The following CDH12 variants were observed in gnomAD, a reference collection of about 807,000 sequenced individuals.
CDH12 encodes the protein cadherin 12, also known as cadherin-12.
CDH12 carries 41 observed loss-of-function variants against 74.1 expected under a neutral mutation model. That is an observed-to-expected ratio of 0.55 (90% CI 0.43 to 0.72). CDH12 has a LOEUF of 0.72. Among genes scored for constraint, CDH12 ranks in the 30% least tolerant of loss-of-function variants. CDH12 has a pLI of 0.00. For missense variants in CDH12, 945 were observed against 977.2 expected, an observed-to-expected ratio of 0.97 and a Z score of 0.44; for synonymous variants, 399 against 355.0, an observed-to-expected ratio of 1.12 and a Z score of -1.39.
intron 6 of CDH12, among the ~76,000 whole-genome samples, chr5:21,939,954 C>T (rs1447913600): frequency 2.0e-5 from 3 of 152,284 alleles, no homozygotes; most frequent in African/African-American, 7.2e-5. Context: ...GGCACAGTGG[C>T]TCACACCTGT....
intron 7 of CDH12, among the ~76,000 whole-genome samples, chr5:21,845,739 T>C (rs768899863): frequency 6.6e-6 from 1 of 152,234 alleles, no homozygotes; most frequent in Admixed American, 6.5e-5. Flanking sequence ...GAAGTTCTTT[T>C]ATTTTCTTTT....
chr5:22,432,963 T>G (rs1744235074), intron 2 of CDH12, among the ~76,000 whole-genome samples: 1 of 152,070 alleles, frequency 6.6e-6, no homozygotes, highest in South Asian at 2.1e-4. Flanking sequence ...TATGCAAAAC[T>G]TGGGGCACAA....
chr5:22,773,824 T>C (rs1746942007), intron 1 of CDH12, among the ~76,000 whole-genome samples: 1 of 151,806 alleles, frequency 6.6e-6, no homozygotes, highest in South Asian at 2.1e-4. Context: ...CTATTAAAAA[T>C]GAGAAAAAGA....
At chr5:22,630,281 C>T (rs986609537) in intron 1 of CDH12, among the ~76,000 whole-genome samples, 16 of 151,896 alleles carry the variant, frequency 1.1e-4, no homozygotes, top group Admixed American at 1.3e-4. Context: ...TCATATGGAA[C>T]CAAAAAAGGG....
intron 5 of CDH12, among the ~76,000 whole-genome samples, chr5:21,984,545 G>A (rs971142269): frequency 6.6e-6 from 1 of 152,134 alleles, no homozygotes. Context: ...TGTTTAAACA[G>A]TCACCAATCT....
intron 1 of CDH12, among the ~76,000 whole-genome samples, chr5:22,736,766 C>A (rs1325096285): frequency 6.6e-6 from 1 of 151,676 alleles, no homozygotes; most frequent in Admixed American, 6.6e-5. Flanking sequence ...TCATAGTTGT[C>A]ATAGCAACAT....
chr5:22,325,518 C>T (rs1739048096), intron 3 of CDH12, among the ~76,000 whole-genome samples: 1 of 152,090 alleles, frequency 6.6e-6, no homozygotes, highest in African/African-American at 2.4e-5. Flanking sequence ...TTTACAGTAT[C>T]AGAGATCCAC....
At chr5:22,702,727 TA>T (rs914897700) in intron 1 of CDH12, among the ~76,000 whole-genome samples, 14 of 151,748 alleles carry the variant, frequency 9.2e-5, no homozygotes, top group Middle Eastern at 3.4e-3. Flanking sequence ...ATAACAATAA[TA>T]AAAAAAACCC....
chr5:22,617,762 G>T (rs548666573), intron 1 of CDH12, among the ~76,000 whole-genome samples: 79 of 152,166 alleles, frequency 5.2e-4, no homozygotes, highest in African/African-American at 1.8e-3. Context: ...GAATAATGGA[G>T]AGAAGTAACT....
Position 22,117,471 on chromosome 5 carries a change from A to ATG in CDH12, c.-186-38610_-186-38609insCA, listed in dbSNP as rs1189374995. 3.0e-3 allele frequency among the ~76,000 whole-genome samples: 195 copies of ATG among 65,628 alleles called. 2 individuals are homozygous for ATG. Among genetic ancestry groups the ATG allele is most frequent in the African/African-American group, 0.011 (185 of 16,120 alleles). The allele number at this position is 65,628 out of a possible 152,430, so 43.1% of individuals were successfully genotyped here. A position where few individuals can be genotyped will look rare whatever the true frequency, so the allele number is the denominator to read the frequency against. Reference sequence around the variant, plus strand: ...ATAATATATATATTATATATATAATATATATATTATATATATATTATATAT... The same window carrying ATG: ...ATAATATATATATTATATATATAATATGTATATATTATATATATATTATATAT... On this transcript the variant is annotated intron_variant, in intron 4 of 14. Transcript: ENST00000382254.
At chr5:21,913,501 A>C (rs963266291) in intron 6 of CDH12, among the ~76,000 whole-genome samples, 11 of 152,154 alleles carry the variant, frequency 7.2e-5, no homozygotes, top group Non-Finnish European at 1.3e-4. Flanking sequence ...TTAATTCACA[A>C]ATTTTCCTTC....
intron 1 of CDH12, among the ~76,000 whole-genome samples, chr5:22,799,138 A>G (rs1030396747): frequency 1.3e-5 from 2 of 152,096 alleles, no homozygotes; most frequent in African/African-American, 2.4e-5. Flanking sequence ...CAAACAAACA[A>G]ACAAAACCAC....
intron 4 of CDH12, among the ~76,000 whole-genome samples, chr5:22,080,968 A>T (rs953536144): frequency 4.0e-5 from 6 of 151,810 alleles, no homozygotes; most frequent in African/African-American, 1.4e-4. Flanking sequence ...TTTAGTAGAG[A>T]CGGGGTTTCA....
chr5:22,346,873 C>T (rs1188267090), intron 3 of CDH12, among the ~76,000 whole-genome samples: 1 of 152,056 alleles, frequency 6.6e-6, no homozygotes, highest in Non-Finnish European at 1.5e-5. Flanking sequence ...AAGTGGATCA[C>T]CTGTAGGTAA....
At position 22,771,801 on chromosome 5, in the gene CDH12, A is replaced by C. The variant is rs1456230594; in HGVS notation, c.-523+81257T>G. On this transcript the variant is annotated intron_variant, in intron 1 of 14. Coordinates refer to ENST00000382254, the MANE Select transcript of CDH12 (RefSeq NM_004061.5). ...TTTACAGCCTACGGACTCAAGTTGC[A>C]ATATTAACTCTGCCCTAGGTAAGCT... is the stretch of plus-strand genomic sequence containing the variant. Among the ~76,000 whole-genome samples, 4 of 152,104 alleles carry C rather than the reference A, an allele frequency of 2.6e-5. No individual in the cohort carries two copies. The East Asian group carries it at 5.8e-4, about 22-fold the overall frequency.
chr5:21,914,174 C>T (rs908040915), intron 6 of CDH12, among the ~76,000 whole-genome samples: 21 of 152,158 alleles, frequency 1.4e-4, no homozygotes, highest in Non-Finnish European at 2.6e-4. Context: ...CTGAAAGGGG[C>T]TTTTGACGTG....
chr5:22,805,877 C>G (rs1017118274), intron 1 of CDH12, among the ~76,000 whole-genome samples: 15 of 152,024 alleles, frequency 9.9e-5, no homozygotes, highest in African/African-American at 3.6e-4. Flanking sequence ...TCTCATTGAT[C>G]AACTCCCATT....
At chr5:22,386,920 TTTAC>T (rs1343908171) in intron 3 of CDH12, among the ~76,000 whole-genome samples, 12 of 152,108 alleles carry the variant, frequency 7.9e-5, no homozygotes, top group African/African-American at 2.6e-4. Context: ...AGAAATGTGA[TTTAC>T]TTAATTTATA....
chr5:22,031,909 T>C (rs1441729467), intron 5 of CDH12, among the ~76,000 whole-genome samples: 1 of 150,930 alleles, frequency 6.6e-6, no homozygotes, highest in Admixed American at 6.6e-5. Flanking sequence ...TTTCAAGAAT[T>C]ACCAAAACGT....
Sources: gnomAD v4.1 joint callset for allele counts (sites outside exome capture counted in the v4.1 genomes callset) on GRCh38, gnomAD v4.1.1 for gene constraint, MANE v1.5 for transcripts, NCBI Gene and HGNC (gene_info 2026-07-23, HGNC 2026-07-21) for gene names.